MMRN1: variants seen among roughly 807,000 people sequenced by gnomAD.
MMRN1 encodes multimerin 1, also known as multimerin-1.
Under a neutral mutation model 100.7 loss-of-function variants are expected in MMRN1, and 94 were observed. The observed-to-expected ratio is 0.93, with a 90% CI of 0.79 to 1.11. The LOEUF is 1.11. MMRN1 is among the 50% of genes least tolerant of loss of function. The pLI, the probability that MMRN1 is intolerant of heterozygous loss-of-function variation, is 0.00. For synonymous variants in MMRN1, 575 were observed against 505.0 expected, an observed-to-expected ratio of 1.14 and a Z score of -1.86; for missense variants, 1,606 against 1,439.1, an observed-to-expected ratio of 1.12 and a Z score of -1.88.
chr4:89,890,282 A>G (rs1346143314), upstream of MMRN1, among the ~76,000 whole-genome samples: 5 of 100,008 alleles, frequency 5.0e-5, no homozygotes, highest in African/African-American at 7.7e-5. Context: ...TAGAGTGGTT[A>G]TTTTCTAAAA....
chr4:89,936,856 T>A (rs1722663095), intron 6 of MMRN1, 58 bp downstream of exon 6: 1 of 1,464,248 alleles, frequency 6.8e-7, no homozygotes, highest in African/African-American at 1.4e-5. Flanking sequence ...TGATATTTAA[T>A]AGATCTGTAC....
chr4:89,880,461 C>A (rs1349482659), intron 1 of MMRN1, among the ~76,000 whole-genome samples: 3 of 152,066 alleles, frequency 2.0e-5, no homozygotes, highest in African/African-American at 7.2e-5. Flanking sequence ...TATTAATCTG[C>A]CCTTCTATTG....
chr4:89,882,211 C>T (rs1339531624), intron 1 of MMRN1, among the ~76,000 whole-genome samples: 1 of 151,632 alleles, frequency 6.6e-6, no homozygotes, highest in East Asian at 1.9e-4. Context: ...TATTCAACTA[C>T]TTCCTATGAG....
Position 89,895,207 on chromosome 4 carries a change from T to A in MMRN1, c.236T>A (p.Leu79His), listed in dbSNP as rs752019539. The change falls in exon 1 of 8, where the codon CTT becomes CAT. Residue 79 changes from leucine (L) to histidine (H), a missense_variant. By Grantham distance (99) the Leu-to-His change is moderately conservative. Coordinates refer to ENST00000264790, the MANE Select transcript of MMRN1 (RefSeq NM_007351.3). ...PEARTSEDSL[L>H]KSTLPPSETS... Reference sequence around the variant, plus strand: ...GCAAGAACTTCTGAAGACAGTCTTCTTAAATCAACACTGCCTCCCTCAGAA... The same window carrying A: ...GCAAGAACTTCTGAAGACAGTCTTCATAAATCAACACTGCCTCCCTCAGAA... 4 of 1,613,732 alleles carry A rather than the reference T, an allele frequency of 2.5e-6. No homozygotes were observed. The Admixed American group carries it at 6.7e-5, about 27-fold the overall frequency.
Position 89,895,583 on chromosome 4 carries a change from A to G in MMRN1, c.612A>G (p.Thr204=), listed in dbSNP as rs1721177544. 6.2e-7 allele frequency: 1 copy of G among 1,612,704 alleles called. No homozygotes were observed. Among genetic ancestry groups the G allele is most frequent in the Middle Eastern group, 1.7e-4 (1 of 6,052 alleles). ...RTDYQKSNFE[T]TRGKNWCAYV... is the part of the protein sequence containing the mutation. ...ACTACCAAAAATCAAATTTCGAAAC[A>G]ACTAGAGGAAAGTAAGAAATCTTCT... The change falls in exon 1 of 8, where the codon ACA becomes ACG. Residue 204 remains threonine (T), a synonymous_variant. Transcript: ENST00000264790.
chr4:89,935,013 T>C lies in MMRN1; in HGVS notation c.1333T>C (p.Leu445=), dbSNP rs1477695553. ...AATAGCAGCCCAGCAAAAGTTTGTTTTGGTGCAAGAGAATCGGCCCACTTT... is the reference window on the plus strand; with the variant it reads ...AATAGCAGCCCAGCAAAAGTTTGTTCTGGTGCAAGAGAATCGGCCCACTTT... ...VSIAAQQKFV[L]VQENRPTLTD... is the part of the protein sequence containing the mutation. The change falls in exon 6 of 8, where the codon TTG becomes CTG. Residue 445 remains leucine, a synonymous_variant. Coordinates refer to ENST00000264790, the MANE Select transcript of MMRN1 (RefSeq NM_007351.3). 4 of 1,612,778 alleles carry C rather than the reference T, an allele frequency of 2.5e-6. No individual in the cohort carries two copies. Among genetic ancestry groups the C allele is most frequent in the African/African-American group, 1.3e-5 (1 of 74,960 alleles).
chr4:89,911,959 C>T lies in MMRN1; in HGVS notation c.759C>T (p.Ser253=), dbSNP rs1318400802. The change falls in exon 3 of 8, where the codon TCC becomes TCT. Residue 253 remains serine (S), a synonymous_variant. Coordinates refer to ENST00000264790, the MANE Select transcript of MMRN1 (RefSeq NM_007351.3). ...GSCPQRSQKI[S]NPVYRMQHKI... The stretch of plus-strand genomic sequence containing the variant: ...AACTCTCTAGATCTCAGAAGATATC[C>T]AATCCTGTCTATAGGATGCAACATA... 1 of 1,597,740 alleles carries T rather than the reference C, an allele frequency of 6.3e-7. No homozygotes were observed. The highest frequency in any genetic ancestry group is 2.2e-5 in the East Asian group (1 of 44,448).
At chr4:89,949,662 A>G (rs1578507350) in intron 6 of MMRN1, among the ~76,000 whole-genome samples, 1 of 152,368 alleles carries the variant, frequency 6.6e-6, no homozygotes, top group Middle Eastern at 3.4e-3. Context: ...ATATTTTAAT[A>G]CTTTTCTTAA....
At chr4:89,948,897 A>C (rs1392859277) in intron 6 of MMRN1, among the ~76,000 whole-genome samples, 1 of 152,198 alleles carries the variant, frequency 6.6e-6, no homozygotes, top group Non-Finnish European at 1.5e-5. Context: ...AGCTGTGTGC[A>C]GTCTCAAGAA....
chr4:89,884,250 A>C (rs1482453780), intron 1 of MMRN1, among the ~76,000 whole-genome samples: 5 of 152,132 alleles, frequency 3.3e-5, no homozygotes, highest in Non-Finnish European at 5.9e-5. Flanking sequence ...ATCTGCTAAG[A>C]TTAATTAATA....
At chr4:89,931,921 C>T (rs960789017) in intron 5 of MMRN1, among the ~76,000 whole-genome samples, 6 of 152,164 alleles carry the variant, frequency 3.9e-5, no homozygotes, top group African/African-American at 1.4e-4. Flanking sequence ...CATGTCCTCA[C>T]ATTTCAAAAC....
Position 89,894,863 on chromosome 4 carries a change from A to C in MMRN1, c.-109A>C. On this transcript the variant is annotated 5_prime_UTR_variant, in exon 1 of 8. Coordinates refer to ENST00000264790, the MANE Select transcript of MMRN1 (RefSeq NM_007351.3). ...AACCTGTTTCCTCTACACATCTCAAACTGGCAAAACTCAGTCTTAGCAGAT... is the reference window on the plus strand; with the variant it reads ...AACCTGTTTCCTCTACACATCTCAACCTGGCAAAACTCAGTCTTAGCAGAT... 1 of 1,483,906 alleles carries C rather than the reference A, an allele frequency of 6.7e-7. No homozygotes were observed. The highest frequency in any genetic ancestry group is 2.6e-5 in the Admixed American group (1 of 38,944). 91.9% of individuals were successfully genotyped at this position (1,483,906 alleles called of 1,614,324 possible). A position where few individuals can be genotyped will look rare whatever the true frequency, so the allele number is the denominator to read the frequency against.
chr4:89,920,724 T>G (rs528501529), intron 3 of MMRN1, among the ~76,000 whole-genome samples: 1 of 152,236 alleles, frequency 6.6e-6, no homozygotes, highest in South Asian at 2.1e-4. Flanking sequence ...TGAATTTACC[T>G]CTTAGAAGTA....
At chr4:89,884,143 A>AT (rs1316248900) in intron 1 of MMRN1, among the ~76,000 whole-genome samples, 1 of 152,108 alleles carries the variant, frequency 6.6e-6, no homozygotes, top group Non-Finnish European at 1.5e-5. Context: ...ATCATGTAGT[A>AT]TTAACTATCC....
rs764791802 is a variant in MMRN1 at position 89,951,611 on chromosome 4, A to G, written c.3125A>G (p.Tyr1042Cys). 1.3e-6 allele frequency: 2 copies of G among 1,508,856 alleles called. No homozygotes were observed. The highest frequency in any genetic ancestry group is 1.8e-4 in the Middle Eastern group (1 of 5,564). The allele number at this position is 1,508,856 out of a possible 1,614,324, so 93.5% of individuals were successfully genotyped here. Residue 1042 changes from tyrosine (Y) to cysteine (C), a missense_variant, in exon 7 of 8, where the codon TAT (tyrosine) becomes TGT (cysteine). Coordinates refer to ENST00000264790, the MANE Select transcript of MMRN1 (RefSeq NM_007351.3). ...GATTCTTTTTCCGTAACAGAGGAGT[A>G]TTCAAGCTGTAGTCGGCATCCGTGC... The part of the protein sequence containing the change: ...NTDNIIYPEE[Y>C]SSCSRHPCQN...
chr4:89,937,377 T>C (rs1722680241), intron 6 of MMRN1, among the ~76,000 whole-genome samples: 2 of 152,010 alleles, frequency 1.3e-5, no homozygotes, highest in African/African-American at 2.4e-5. Context: ...AAGCTAGCAA[T>C]AGTGTGTAGT....
At chr4:89,909,205 G>T in intron 1 of MMRN1, 71 bp from the exon 2 acceptor site, 1 of 1,495,796 alleles carries the variant, frequency 6.7e-7, no homozygotes, top group Non-Finnish European at 9.1e-7. Context: ...GTTTGTCTGT[G>T]AAAATAATTT....
chr4:89,927,956 T>C lies in MMRN1; in HGVS notation c.1117T>C (p.Ser373Pro), dbSNP rs1222696929. 8.2e-6 allele frequency: 13 copies of C among 1,593,768 alleles called. No homozygotes were observed. The highest frequency in any genetic ancestry group is 1.1e-5 in the Non-Finnish European group (13 of 1,171,330). Reference sequence around the variant, plus strand: ...CGAAGATAAAAGCAGAGAATTTCAATCTCTTCTAAAAGGTAAAAATGAAAT... The same window carrying C: ...CGAAGATAAAAGCAGAGAATTTCAACCTCTTCTAAAAGGTAAAAATGAAAT... ...VSEDKSREFQ[S>P]LLKGLKSKSI... Residue 373 changes from serine to proline, a missense_variant, in exon 5 of 8, where the codon TCT becomes CCT. Ser to Pro is a moderately conservative substitution (Grantham distance 74). Coordinates refer to ENST00000264790, the MANE Select transcript of MMRN1 (RefSeq NM_007351.3).
intron 2 of MMRN1, among the ~76,000 whole-genome samples, chr4:89,911,236 C>G (rs149426830): frequency 2.8e-4 from 42 of 151,476 alleles, no homozygotes; most frequent in African/African-American, 9.2e-4. Context: ...TACAAACACA[C>G]AGAGCTCACA....
Sources: gnomAD v4.1 joint callset for allele counts (sites outside exome capture counted in the v4.1 genomes callset) on GRCh38, gnomAD v4.1.1 for gene constraint, MANE v1.5 for transcripts, NCBI Gene and HGNC (gene_info 2026-07-23, HGNC 2026-07-21) for gene names.